BRWD1: variants seen among roughly 807,000 people sequenced by gnomAD.
The protein encoded by BRWD1 is bromodomain and WD repeat-containing protein 1.
BRWD1 carries 82 observed loss-of-function variants against 251.2 expected under a neutral mutation model. That is an observed-to-expected ratio of 0.33 (90% CI 0.27 to 0.39). The LOEUF (loss-of-function observed/expected upper bound fraction) is 0.39. BRWD1 is among the 10% of genes least tolerant of loss of function. The pLI, the probability that BRWD1 is intolerant of heterozygous loss-of-function variation, is 1.00. For synonymous variants in BRWD1, 918 were observed against 902.8 expected (o/e 1.02, Z -0.30); for missense variants, 2,233 against 2,711.6 (o/e 0.82, Z 3.92).
chr21:39,270,104 T>C (rs1437747642), intron 14 of BRWD1, 71 bp from the exon 15 acceptor site: 2 of 1,331,662 alleles, frequency 1.5e-6, no homozygotes, highest in Non-Finnish European at 2.0e-6. Flanking sequence ...AAATACATAC[T>C]GTTACAGCAT....
rs113834787 is a variant in BRWD1 at position 39,285,871 on chromosome 21, CAAAAAAAAAAAA to C, written c.832-5635_832-5624del. Among the ~76,000 whole-genome samples the C allele has an allele frequency of 6.9e-5, 7 of 101,444 alleles. No homozygotes were observed. The East Asian group carries it at 1.9e-3, about 28-fold the overall frequency. The allele number at this position is 101,444 out of a possible 152,430, so 66.6% of individuals were successfully genotyped here. A position where few individuals can be genotyped will look rare whatever the true frequency, so the allele number is the denominator to read the frequency against. On this transcript the variant is annotated intron_variant, in intron 8 of 40. Coordinates refer to ENST00000342449, the MANE Select transcript of BRWD1 (RefSeq NM_033656.4). ...GGGAGCATCACTTGAGCCCAGTCAA[CAAAAAAAAAAAA>C]AAAAAAAAAAGAATGTATTCGTCAA...
rs571332907 is a variant in BRWD1, at chr21:39,313,632, T to C, written c.-141A>G. On this transcript the variant is annotated 5_prime_UTR_variant, in exon 1 of 41. Transcript: ENST00000342449. Reference sequence around the variant, plus strand: ...CCGCCGCCATACCGTGCGCGCCGCCTGGACCGACGCCTCCGCGGGGGAGGA... The same window carrying C: ...CCGCCGCCATACCGTGCGCGCCGCCCGGACCGACGCCTCCGCGGGGGAGGA... 5.4e-6 allele frequency: 3 copies of C among 556,102 alleles called. No homozygotes were observed. Among genetic ancestry groups the C allele is most frequent in the Middle Eastern group, 5.4e-4 (1 of 1,844 alleles). 34.4% of individuals were successfully genotyped at this position (556,102 alleles called of 1,614,324 possible).
At chr21:39,215,157 C>T in intron 32 of BRWD1, 80 bp downstream of exon 32, 1 of 1,449,998 alleles carries the variant, frequency 6.9e-7, no homozygotes, top group Non-Finnish European at 9.6e-7. Context: ...AGGCATGAGC[C>T]ACCACGCCCG....
chr21:39,238,588 G>C lies in BRWD1; in HGVS notation c.2482-15C>G. On this transcript the variant is annotated splice_polypyrimidine_tract_variant and intron_variant, in intron 21 of 40. Transcript: ENST00000342449. ...CAGGAAGTCTCCTAATTTGTGAAGG[G>C]GGGAAAAAAATCTTGATCCCTGAAG... 6.3e-7 allele frequency: 1 copy of C among 1,587,326 alleles called. No homozygotes were observed. Among genetic ancestry groups the C allele is most frequent in the Non-Finnish European group, 8.6e-7 (1 of 1,157,694 alleles).
rs140490336 is a variant in BRWD1 at position 39,197,267 on chromosome 21, C to T, written c.5802G>A (p.Thr1934=). 1.3e-5 allele frequency: 21 copies of T among 1,613,916 alleles called. No homozygotes were observed. Among genetic ancestry groups the T allele is most frequent in the African/African-American group, 5.3e-5 (4 of 74,922 alleles). The change falls in exon 41 of 41, where the codon ACG becomes ACA. Residue 1934 remains threonine (T), a synonymous_variant. Coordinates refer to ENST00000342449, the MANE Select transcript of BRWD1 (RefSeq NM_033656.4). The part of the protein sequence containing the change: ...LLRITRRCAA[T]AANKIKLMSD... ...TCATGAGCTTGATCTTATTGGCAGC[C>T]GTAGCTGCACATCTTCGAGTAATCC... is the stretch of plus-strand genomic sequence containing the variant.
chr21:39,187,796 G>A lies in BRWD1; in HGVS notation c.*8463C>T, dbSNP rs1365397924. 1.0e-6 allele frequency: 1 copy of A among 985,102 alleles called. No homozygotes were observed. The highest frequency in any genetic ancestry group is 1.7e-5 in the African/African-American group (1 of 57,172). The allele number at this position is 985,102 out of a possible 1,614,324, so 61.0% of individuals were successfully genotyped here. A position where few individuals can be genotyped will look rare whatever the true frequency, so the allele number is the denominator to read the frequency against. On this transcript the variant is annotated 3_prime_UTR_variant, in exon 41 of 41. Coordinates refer to ENST00000342449, the MANE Select transcript of BRWD1 (RefSeq NM_033656.4). ...CTAGGTATGTGACACACGAGATTCA[G>A]ATTAAAATTCTAAAAAATAACACAG...
chr21:39,212,866 C>T (rs541932597), intron 33 of BRWD1, among the ~76,000 whole-genome samples, 159 bp from the exon 34 acceptor site: 4 of 151,722 alleles, frequency 2.6e-5, no homozygotes, highest in African/African-American at 7.3e-5. Flanking sequence ...ATCTTTGTGG[C>T]ACCCAGGCTT....
At chr21:39,198,282 G>A (rs921888714) in intron 40 of BRWD1, among the ~76,000 whole-genome samples, 1 of 152,114 alleles carries the variant, frequency 6.6e-6, no homozygotes, top group African/African-American at 2.4e-5. Flanking sequence ...AAGAAATGAA[G>A]ACTAAACTGC....
At chr21:39,197,440 A>G (rs1227563227) in intron 40 of BRWD1, 25 bp from the exon 41 acceptor site, 2 of 1,506,326 alleles carry the variant, frequency 1.3e-6, no homozygotes, top group African/African-American at 2.8e-5. Flanking sequence ...GCAGATTTCT[A>G]TTAATCTTTT....
At chr21:39,267,088 T>C (rs2034946138) in intron 15 of BRWD1, among the ~76,000 whole-genome samples, 1 of 152,192 alleles carries the variant, frequency 6.6e-6, no homozygotes, top group Non-Finnish European at 1.5e-5. Flanking sequence ...TGTCCAAGAA[T>C]GTTTAGTTCT....
chr21:39,210,745 A>G (rs1393586805), intron 35 of BRWD1, 41 bp downstream of exon 35: 1 of 1,559,664 alleles, frequency 6.4e-7, no homozygotes, highest in African/African-American at 1.4e-5. Context: ...CCTCACTGCA[A>G]AACAAGAAAA....
At position 39,200,367 on chromosome 21, in the gene BRWD1, A is replaced by T. The variant is rs201324513; in HGVS notation, c.4605T>A (p.Ser1535=). Residue 1535 remains serine, a synonymous_variant, in exon 39 of 41, where the codon TCT becomes TCA. Transcript: ENST00000342449. ...STLSESEVED[S]LATSLSSSAS... is the part of the protein sequence containing the mutation. ...CTGACGATGACAAAGAGGTAGCTAA[A>T]GAATCTTCCACTTCACTTTCTAGGA... 29 of 1,612,144 alleles carry T rather than the reference A, an allele frequency of 1.8e-5. No individual in the cohort carries two copies. In the African/African-American group the frequency reaches 3.9e-4, roughly 22 times the overall value.
chr21:39,209,821 A>G (rs762189449), intron 36 of BRWD1, 174 bp downstream of exon 36: 7 of 581,630 alleles, frequency 1.2e-5, no homozygotes, highest in Non-Finnish European at 1.6e-5. Context: ...CTGAAGCTAT[A>G]TGAGCAGTAG....
Position 39,195,460 on chromosome 21 carries a change from C to G in BRWD1, c.*799G>C. 1.0e-6 allele frequency: 1 copy of G among 985,560 alleles called. No individual in the cohort carries two copies. Among genetic ancestry groups the G allele is most frequent in the South Asian group, 4.7e-5 (1 of 21,296 alleles). The allele number at this position is 985,560 out of a possible 1,614,324, so 61.1% of individuals were successfully genotyped here. The stretch of plus-strand genomic sequence containing the variant: ...TGGTTAAATCCCTTACAATGGAAAC[C>G]AGGAGATCTTGGACAGAAGACAGAT... On this transcript the variant is annotated 3_prime_UTR_variant, in exon 41 of 41. Coordinates refer to ENST00000342449, the MANE Select transcript of BRWD1 (RefSeq NM_033656.4).
Position 39,187,111 on chromosome 21 carries a change from G to C in BRWD1, c.*9148C>G, listed in dbSNP as rs745602208. 8 of 1,606,400 alleles carry C rather than the reference G, an allele frequency of 5.0e-6. No individual in the cohort carries two copies. The highest frequency in any genetic ancestry group is 6.8e-6 in the Non-Finnish European group (8 of 1,178,148). ...ATCTTCTAGCTCTTTTTCACTTTCA[G>C]AATTTATGGTTGTATCATCCTCTTT... On this transcript the variant is annotated 3_prime_UTR_variant, in exon 41 of 41. Coordinates refer to ENST00000342449, the MANE Select transcript of BRWD1 (RefSeq NM_033656.4).
At position 39,313,558 on chromosome 21, in the gene BRWD1, GA is replaced by G. The variant is rs1402454075; in HGVS notation, c.-68del. On this transcript the variant is annotated 5_prime_UTR_variant, in exon 1 of 41. Transcript: ENST00000342449. ...GAGCGTGTAGGCCGCGCCGAGGCCT[GA>G]CCGGGCTGGCGTCCCCTCTTCTCAG... 2 of 1,239,938 alleles carry G rather than the reference GA, an allele frequency of 1.6e-6. No individual in the cohort carries two copies. Among genetic ancestry groups the G allele is most frequent in the Non-Finnish European group, 2.0e-6 (2 of 980,596 alleles). 76.8% of individuals were successfully genotyped at this position (1,239,938 alleles called of 1,614,324 possible).
intron 6 of BRWD1, 58 bp downstream of exon 6, chr21:39,296,207 G>A: frequency 7.3e-7 from 1 of 1,376,690 alleles, no homozygotes; most frequent in South Asian, 1.4e-5. Context: ...ATTTATAAAG[G>A]TTGTTGAGAA....
At chr21:39,225,794 T>C (rs1042741428) in intron 27 of BRWD1, among the ~76,000 whole-genome samples, 1 of 152,354 alleles carries the variant, frequency 6.6e-6, no homozygotes. Flanking sequence ...TTCAAACTTA[T>C]GTAAACATGA....
At chr21:39,246,738 T>C (rs1048179975) in intron 21 of BRWD1, among the ~76,000 whole-genome samples, 6 of 152,264 alleles carry the variant, frequency 3.9e-5, no homozygotes, top group Admixed American at 3.9e-4. Flanking sequence ...TACTAATCAT[T>C]AGAGAAAACA....
Sources: gnomAD v4.1 joint callset for allele counts (sites outside exome capture counted in the v4.1 genomes callset) on GRCh38, gnomAD v4.1.1 for gene constraint, MANE v1.5 for transcripts, NCBI Gene and HGNC (gene_info 2026-07-23, HGNC 2026-07-21) for gene names.